Variants in CENPP observed in about 807,000 individuals in gnomAD.
CENPP encodes centromere protein P.
CENPP carries 24 observed loss-of-function variants against 35.6 expected under a neutral mutation model. The observed-to-expected ratio is 0.67, with a 90% CI of 0.49 to 0.95. CENPP has a LOEUF of 0.95. CENPP is among the 40% of genes least tolerant of loss of function. CENPP has a pLI of 0.00. For missense variants in CENPP, 332 were observed against 345.3 expected (o/e 0.96, Z 0.31); for synonymous variants, 120 against 125.5 (o/e 0.96, Z 0.29).
chr9:92,362,515 G>A (rs1255761608), intron 4 of CENPP, among the ~76,000 whole-genome samples: 1 of 152,006 alleles, frequency 6.6e-6, no homozygotes, highest in Admixed American at 6.6e-5. Context: ...ATGATATTTT[G>A]TCCTTCTCAG....
chr9:92,501,163 A>T (rs1380097937), intron 5 of CENPP: 2 of 1,083,274 alleles, frequency 1.8e-6, no homozygotes, highest in African/African-American at 3.2e-5. Flanking sequence ...ATAAGCACCC[A>T]GTTTGTAGTG....
At chr9:92,408,430 C>T (rs962144905) in intron 5 of CENPP, among the ~76,000 whole-genome samples, 5 of 152,096 alleles carry the variant, frequency 3.3e-5, no homozygotes, top group African/African-American at 1.2e-4. Flanking sequence ...GTGATTTGCC[C>T]GCCTCGGCCT....
chr9:92,571,169 G>T (rs1282325827), intron 5 of CENPP, among the ~76,000 whole-genome samples: 5 of 152,176 alleles, frequency 3.3e-5, no homozygotes, highest in Non-Finnish European at 5.9e-5. Flanking sequence ...TAATTGTGAT[G>T]TTAGGGTGTC....
intron 4 of CENPP, among the ~76,000 whole-genome samples, chr9:92,361,549 G>A (rs1422759018): frequency 6.6e-6 from 1 of 150,734 alleles, no homozygotes; most frequent in African/African-American, 2.4e-5. Context: ...GCACAATCTT[G>A]GCTCACTGCA....
intron 5 of CENPP, among the ~76,000 whole-genome samples, chr9:92,545,357 G>A (rs529084520): frequency 6.6e-6 from 1 of 152,324 alleles, no homozygotes; most frequent in African/African-American, 2.4e-5. Context: ...GGCGGGCCCC[G>A]TACTGGGAGC....
At chr9:92,459,257 C>T (rs1283901799) in intron 5 of CENPP, among the ~76,000 whole-genome samples, 1 of 152,236 alleles carries the variant, frequency 6.6e-6, no homozygotes, top group African/African-American at 2.4e-5. Flanking sequence ...CTTGCTCTGC[C>T]TTGAGAAATG....
At chr9:92,555,664 A>G (rs118122727) in intron 5 of CENPP, among the ~76,000 whole-genome samples, 1,671 of 152,098 alleles carry the variant, frequency 0.011, 22 homozygotes, top group South Asian at 0.053. Flanking sequence ...TAGGTTTTCT[A>G]TTGTATGTGT....
intron 5 of CENPP, among the ~76,000 whole-genome samples, chr9:92,581,381 CA>C (rs1201418161): frequency 6.6e-6 from 1 of 151,692 alleles, no homozygotes; most frequent in Non-Finnish European, 1.5e-5. Context: ...AAATAAGATC[CA>C]AAATATATAT....
chr9:92,612,627 G>A lies in CENPP; in HGVS notation c.736+13G>A. ...GTCCCACAGCGAGGTAGGGCCCTGGGTGTGGCTGCTCTAGGTGACTTCTCA... is the reference window on the plus strand; with the variant it reads ...GTCCCACAGCGAGGTAGGGCCCTGGATGTGGCTGCTCTAGGTGACTTCTCA... On this transcript the variant is annotated intron_variant, in intron 7 of 7. Coordinates refer to ENST00000375587, the MANE Select transcript of CENPP (RefSeq NM_001012267.3). 6.2e-7 allele frequency: 1 copy of A among 1,605,006 alleles called. No individual in the cohort carries two copies. The highest frequency in any genetic ancestry group is 8.5e-7 in the Non-Finnish European group (1 of 1,171,680).
At position 92,570,475 on chromosome 9, in the gene CENPP, T is replaced by A. The variant is rs1850106708; in HGVS notation, c.565-40839T>A. ...CTTTTTGATGTGCTGCTGGATACGG[T>A]TTGCCAGTATTTTATTGAGGATTTT... On this transcript the variant is annotated intron_variant, in intron 5 of 7. Transcript: ENST00000375587. Among the ~76,000 whole-genome samples the A allele has an allele frequency of 3.3e-5, 5 of 152,296 alleles. No homozygotes were observed. In the South Asian group the frequency reaches 8.3e-4, roughly 25 times the overall value.
intron 5 of CENPP, among the ~76,000 whole-genome samples, chr9:92,450,036 A>G (rs1192793725): frequency 6.6e-6 from 1 of 152,162 alleles, no homozygotes; most frequent in Non-Finnish European, 1.5e-5. Flanking sequence ...ACAACAGATT[A>G]AGGTCCATGT....
At chr9:92,513,763 G>T (rs913113243) in intron 5 of CENPP, among the ~76,000 whole-genome samples, 16 of 152,328 alleles carry the variant, frequency 1.1e-4, no homozygotes, top group East Asian at 9.6e-4. Flanking sequence ...GTGTTCTGTG[G>T]TGGCCAGTGA....
intron 5 of CENPP, among the ~76,000 whole-genome samples, chr9:92,608,996 C>T (rs953903486): frequency 6.6e-6 from 1 of 152,234 alleles, no homozygotes; most frequent in Non-Finnish European, 1.5e-5. Context: ...CAAGTGCTGC[C>T]GCTGAGCCAG....
intron 7 of CENPP, 38 bp downstream of exon 7, chr9:92,612,652 A>C: frequency 3.3e-6 from 5 of 1,499,308 alleles, no homozygotes; most frequent in Non-Finnish European, 3.7e-6. Flanking sequence ...GTGACTTCTC[A>C]ACATGCCCAG....
rs753928421 is a variant in CENPP at position 92,619,027 on chromosome 9, C to T, written c.*5878C>T. ...AGGGGCGGCACATAGGCTGGTTATT[C>T]AGAAGAGGAAGCAGAATGAATGCGC... On this transcript the variant is annotated 3_prime_UTR_variant, in exon 8 of 8. Coordinates refer to ENST00000375587, the MANE Select transcript of CENPP (RefSeq NM_001012267.3). The T allele has an allele frequency of 7.0e-5, 16 of 229,360 alleles. No individual in the cohort carries two copies. The highest frequency in any genetic ancestry group is 1.3e-4 in the Non-Finnish European group (15 of 114,716). 14.2% of individuals were successfully genotyped at this position (229,360 alleles called of 1,614,324 possible).
At chr9:92,544,835 C>A (rs1475460190) in intron 5 of CENPP, among the ~76,000 whole-genome samples, 1 of 151,716 alleles carries the variant, frequency 6.6e-6, no homozygotes, top group Non-Finnish European at 1.5e-5. Context: ...CCTGCCTCAG[C>A]CTCCCCAGTA....
chr9:92,448,969 C>T (rs1293369803), intron 5 of CENPP, among the ~76,000 whole-genome samples: 1 of 152,156 alleles, frequency 6.6e-6, no homozygotes, highest in African/African-American at 2.4e-5. Context: ...GTAGGTTAGT[C>T]AGATCTTTTT....
intron 4 of CENPP, among the ~76,000 whole-genome samples, chr9:92,361,637 G>A (rs1841754920): frequency 1.3e-5 from 2 of 150,716 alleles, no homozygotes; most frequent in Admixed American, 6.6e-5. Flanking sequence ...GCACCACCAC[G>A]CACAGCTAAT....
At chr9:92,344,196 G>T (rs1588043906) in intron 3 of CENPP, among the ~76,000 whole-genome samples, 1 of 152,060 alleles carries the variant, frequency 6.6e-6, no homozygotes, top group African/African-American at 2.4e-5. Context: ...AGTACCACAA[G>T]CAGGGGAGAG....
Sources: gnomAD v4.1 joint callset for allele counts (sites outside exome capture counted in the v4.1 genomes callset) on GRCh38, gnomAD v4.1.1 for gene constraint, MANE v1.5 for transcripts, NCBI Gene and HGNC (gene_info 2026-07-23, HGNC 2026-07-21) for gene names.